CCDC102B: variants seen among roughly 807,000 people sequenced by gnomAD.
The protein encoded by CCDC102B is coiled-coil domain containing 102B, also known as coiled-coil domain-containing protein 102B.
A neutral mutation model predicts 57.4 loss-of-function variants in CCDC102B; 75 were observed. The ratio of observed to expected loss-of-function variants is 1.31; its 90% CI spans 1.08 to 1.58. The LOEUF (loss-of-function observed/expected upper bound fraction) is 1.58. Among genes scored for constraint, CCDC102B ranks in the 40% most tolerant of loss-of-function variants. The pLI is 0.00. For missense variants in CCDC102B, 636 were observed against 582.6 expected (o/e 1.09, Z -0.94); for synonymous variants, 206 against 201.9 (o/e 1.02, Z -0.17).
intron 1 of CCDC102B, among the ~76,000 whole-genome samples, chr18:68,817,429 T>G (rs2036527558): frequency 6.6e-6 from 1 of 152,230 alleles, no homozygotes; most frequent in South Asian, 2.1e-4. Flanking sequence ...CATCATTTTT[T>G]GCATTTTCCA....
At chr18:68,796,458 C>T (rs180960844), upstream of CCDC102B, among the ~76,000 whole-genome samples, 3 of 152,054 alleles carry the variant, frequency 2.0e-5, no homozygotes. Flanking sequence ...GTATAGTGGG[C>T]TGACAAATAT....
At chr18:68,847,254 C>T (rs1356781654) in intron 4 of CCDC102B, among the ~76,000 whole-genome samples, 1 of 151,570 alleles carries the variant, frequency 6.6e-6, no homozygotes, top group Non-Finnish European at 1.5e-5. Context: ...GCACAGGAAC[C>T]TCTCTGGGTA....
chr18:69,035,598 A>G (rs562072694), intron 7 of CCDC102B, among the ~76,000 whole-genome samples: 104 of 152,220 alleles, frequency 6.8e-4, no homozygotes, highest in Middle Eastern at 6.8e-3. Flanking sequence ...TACATAGCAA[A>G]TTTCTCAAAA....
intron 2 of CCDC102B, among the ~76,000 whole-genome samples, chr18:68,778,130 C>A (rs143349390): frequency 7.2e-4 from 110 of 152,232 alleles, no homozygotes; most frequent in Non-Finnish European, 1.3e-3. Flanking sequence ...GTGCTTGGGA[C>A]TCTAGAAGAG....
At chr18:69,053,456 A>G (rs2052757378) in intron 7 of CCDC102B, among the ~76,000 whole-genome samples, 1 of 151,750 alleles carries the variant, frequency 6.6e-6, no homozygotes, top group Admixed American at 6.6e-5. Flanking sequence ...GCAAGAGGGG[A>G]AATGGGAGAA....
intron 1 of CCDC102B, among the ~76,000 whole-genome samples, chr18:68,835,752 G>A (rs2037339328): frequency 6.6e-6 from 1 of 152,166 alleles, no homozygotes; most frequent in South Asian, 2.1e-4. Flanking sequence ...CATTTTGAAT[G>A]TTATGAGAAG....
chr18:68,957,051 T>C (rs2049919759), intron 6 of CCDC102B, among the ~76,000 whole-genome samples: 1 of 152,116 alleles, frequency 6.6e-6, no homozygotes, highest in African/African-American at 2.4e-5. Flanking sequence ...ATGGATAGTA[T>C]GCAAATATTT....
downstream of CCDC102B, among the ~76,000 whole-genome samples, chr18:69,056,545 CT>C (rs1299284434): frequency 6.6e-6 from 1 of 151,716 alleles, no homozygotes; most frequent in Non-Finnish European, 1.5e-5. Context: ...AATAAATGAC[CT>C]TTTTGCCTTC....
At position 68,897,514 on chromosome 18, in the gene CCDC102B, C is replaced by T. The variant is rs116988359; in HGVS notation, c.1263+86C>T. The T allele has an allele frequency of 1.5e-5, 23 of 1,545,988 alleles. No homozygotes were observed. The Admixed American group carries it at 3.7e-4, about 25-fold the overall frequency. ...GTCTGTCTTCACTCGTACACGCCTC[C>T]ACATTTGGATATTTCCTTTTGTGCC... is the stretch of plus-strand genomic sequence containing the variant. On this transcript the variant is annotated intron_variant, in intron 6 of 7. Coordinates refer to ENST00000360242, the MANE Select transcript of CCDC102B (RefSeq NM_024781.3).
chr18:68,765,320 GGAAGGAAAGAA>G (rs2034405039), intron 2 of CCDC102B, among the ~76,000 whole-genome samples: 1 of 40,618 alleles, frequency 2.5e-5, no homozygotes, highest in Non-Finnish European at 5.2e-5. Flanking sequence ...AAGGAAGGAA[GGAAGGAAAGAA>G]AGAAAGAAAG....
chr18:68,779,583 C>A (rs761801283), intron 2 of CCDC102B, among the ~76,000 whole-genome samples: 1 of 151,914 alleles, frequency 6.6e-6, no homozygotes, highest in Admixed American at 6.6e-5. Flanking sequence ...AAATTCAGTA[C>A]ATTTATTTAT....
At chr18:68,734,083 T>C (rs540627749) in intron 2 of CCDC102B, among the ~76,000 whole-genome samples, 2 of 152,284 alleles carry the variant, frequency 1.3e-5, no homozygotes, top group South Asian at 4.1e-4. Flanking sequence ...GCTGAAAGCT[T>C]CTAGAATAAT....
At position 68,725,761 on chromosome 18, in the gene CCDC102B, G is replaced by A. The variant is rs190564411; in HGVS notation, c.-67+9167G>A. Reference sequence around the variant, plus strand: ...TAAAGTCACCTGGTTAATTTTATCCGCAAAATCCCTTCAGAGCAGTAACTG... The same window carrying A: ...TAAAGTCACCTGGTTAATTTTATCCACAAAATCCCTTCAGAGCAGTAACTG... On this transcript the variant is annotated intron_variant, in intron 2 of 3. Transcript: ENST00000578970. Among the ~76,000 whole-genome samples, 17 of 152,242 alleles carry A rather than the reference G, an allele frequency of 1.1e-4. No homozygotes were observed. In the East Asian group the frequency reaches 1.9e-3, roughly 17 times the overall value.
At position 68,990,808 on chromosome 18, in the gene CCDC102B, G is replaced by T. The variant is rs2050845145; in HGVS notation, c.1264-20126G>T. On this transcript the variant is annotated intron_variant, in intron 6 of 7. Coordinates refer to ENST00000360242, the MANE Select transcript of CCDC102B (RefSeq NM_024781.3). ...AATCTTTTATAGATATAGGTACTTAGAACAGTTTTCTAGTTATGAAACAGG... is the reference window on the plus strand; with the variant it reads ...AATCTTTTATAGATATAGGTACTTATAACAGTTTTCTAGTTATGAAACAGG... Among the ~76,000 whole-genome samples the T allele has an allele frequency of 2.6e-5, 4 of 152,078 alleles. 1 individual carries two copies. The highest frequency in any genetic ancestry group is 6.6e-5 in the Admixed American group (1 of 15,266).
rs185837700 is a variant in CCDC102B, at chr18:68,730,056, T to A, written c.-67+13462T>A. ...ATTGACGTACCATTGACTTTCATTT[T>A]GTGTGTGGTTGTAGAACAATGGGAA... On this transcript the variant is annotated intron_variant, in intron 2 of 3. Transcript: ENST00000578970. Among the ~76,000 whole-genome samples the A allele has an allele frequency of 1.4e-4, 22 of 152,298 alleles. No homozygotes were observed. In the East Asian group the frequency reaches 4.1e-3, roughly 28 times the overall value.
intron 1 of CCDC102B, among the ~76,000 whole-genome samples, chr18:68,826,553 C>T (rs1236046319): frequency 2.0e-5 from 3 of 152,042 alleles, no homozygotes. Context: ...GTCACAGGGC[C>T]AGCCCCCACT....
At chr18:68,775,337 T>C (rs2034774795) in intron 2 of CCDC102B, among the ~76,000 whole-genome samples, 2 of 152,190 alleles carry the variant, frequency 1.3e-5, no homozygotes, top group African/African-American at 4.8e-5. Context: ...TAGTGAGAAA[T>C]TCCTTTTATT....
At chr18:68,814,830 A>T (rs1397460565) in intron 1 of CCDC102B, among the ~76,000 whole-genome samples, 1 of 152,114 alleles carries the variant, frequency 6.6e-6, no homozygotes, top group African/African-American at 2.4e-5. Context: ...AAGAAAAAAA[A>T]TCTCCAATAT....
At chr18:68,978,519 T>C (rs1227555615) in intron 6 of CCDC102B, among the ~76,000 whole-genome samples, 1 of 152,002 alleles carries the variant, frequency 6.6e-6, no homozygotes, top group Non-Finnish European at 1.5e-5. Context: ...TTGATAATTA[T>C]AACCATGTAT....
Sources: gnomAD v4.1 joint callset for allele counts (sites outside exome capture counted in the v4.1 genomes callset) on GRCh38, gnomAD v4.1.1 for gene constraint, MANE v1.5 for transcripts, NCBI Gene and HGNC (gene_info 2026-07-23, HGNC 2026-07-21) for gene names.